ITPKC: variants seen among roughly 807,000 people sequenced by gnomAD.
ITPKC encodes the protein inositol-trisphosphate 3-kinase C.
In ITPKC, 33 loss-of-function variants were observed where a neutral mutation model predicts 67.1. That is an observed-to-expected ratio of 0.49 (90% CI 0.37 to 0.66). The LOEUF (loss-of-function observed/expected upper bound fraction) is 0.66. ITPKC is among the 30% of genes least tolerant of loss of function. ITPKC has a pLI of 0.00. For missense variants in ITPKC, 820 were observed against 892.1 expected, an observed-to-expected ratio of 0.92 and a Z score of 1.03; for synonymous variants, 341 against 359.8, an observed-to-expected ratio of 0.95 and a Z score of 0.59.
chr19:40,722,745 C>T (rs1352253139), intron 1 of ITPKC, among the ~76,000 whole-genome samples: 1 of 152,082 alleles, frequency 6.6e-6, no homozygotes, highest in African/African-American at 2.4e-5. Flanking sequence ...AACGAAAACC[C>T]TGTTTTCTAT....
chr19:40,736,453 G>GTC (rs2082294685), intron 4 of ITPKC, among the ~76,000 whole-genome samples: 1 of 152,126 alleles, frequency 6.6e-6, no homozygotes, highest in Admixed American at 6.6e-5. Context: ...GGCTGGGCAG[G>GTC]TAAGCTGGCT....
intron 1 of ITPKC, among the ~76,000 whole-genome samples, chr19:40,723,048 G>C (rs867095154): frequency 5.3e-4 from 81 of 152,096 alleles, no homozygotes; most frequent in Admixed American, 3.3e-3. Context: ...TGCAACCTCT[G>C]CCTCTCAGGT....
chr19:40,739,314 C>T lies in ITPKC; in HGVS notation c.1849-43C>T, dbSNP rs1191783067. ...CTGCCTGTCAGGAAGGGACCTTGGC[C>T]AGTGCCTGCTCCTCCCTTAACCTCC... On this transcript the variant is annotated intron_variant, in intron 6 of 6. Coordinates refer to ENST00000263370, the MANE Select transcript of ITPKC (RefSeq NM_025194.3). 4 of 1,480,750 alleles carry T rather than the reference C, an allele frequency of 2.7e-6. No individual in the cohort carries two copies. The East Asian group carries it at 6.8e-5, about 25-fold the overall frequency. 91.7% of individuals were successfully genotyped at this position (1,480,750 alleles called of 1,614,324 possible).
At chr19:40,730,452 GAC>G (rs2082265620) in intron 3 of ITPKC, among the ~76,000 whole-genome samples, 3 of 151,874 alleles carry the variant, frequency 2.0e-5, no homozygotes, top group Admixed American at 2.0e-4. Context: ...TCTTTTTTGA[GAC>G]AGAGTCTCAT....
chr19:40,731,208 A>C (rs1599653043), intron 3 of ITPKC, among the ~76,000 whole-genome samples: 1 of 152,196 alleles, frequency 6.6e-6, no homozygotes, highest in South Asian at 2.1e-4. Context: ...GCCCCACCGT[A>C]GGAGGCCAGC....
In ITPKC at chr19:40,733,213, A is replaced by G; in HGVS notation, c.1523A>G (p.Lys508Arg). ...VKARERPRPR[K>R]DMYEKMVAVD... is the part of the protein sequence containing the mutation. ...GCACGGGAACGTCCCCGTCCCCGGA[A>G]GGACATGTATGAGAAGATGGTGGCT... Residue 508 changes from lysine to arginine, a missense_variant, in exon 4 of 7, where the codon AAG becomes AGG. Lys to Arg is a conservative substitution (Grantham distance 26). This residue lies in a region of ITPKC where 339 missense variants were observed against 422.0 expected (regional missense o/e 0.80). Transcript: ENST00000263370. 6.2e-7 allele frequency: 1 copy of G among 1,614,242 alleles called. No homozygotes were observed. The highest frequency in any genetic ancestry group is 1.7e-5 in the Admixed American group (1 of 60,022).
Position 40,740,688 on chromosome 19 carries a change from A to G in ITPKC, c.*1128A>G. 3.0e-6 allele frequency: 1 copy of G among 333,090 alleles called. No individual in the cohort carries two copies. The highest frequency in any genetic ancestry group is 5.4e-6 in the Non-Finnish European group (1 of 183,768). The allele number at this position is 333,090 out of a possible 1,614,324, so 20.6% of individuals were successfully genotyped here. A position where few individuals can be genotyped will look rare whatever the true frequency, so the allele number is the denominator to read the frequency against. On this transcript the variant is annotated 3_prime_UTR_variant, in exon 7 of 7. Coordinates refer to ENST00000263370, the MANE Select transcript of ITPKC (RefSeq NM_025194.3). ...ACCTCTTCCTTAAGCTGAAGCTCCCACACTGTCTTCCAGGGCTGAGGAGAT... is the reference window on the plus strand; with the variant it reads ...ACCTCTTCCTTAAGCTGAAGCTCCCGCACTGTCTTCCAGGGCTGAGGAGAT...
chr19:40,721,286 C>T (rs534652428), intron 1 of ITPKC, among the ~76,000 whole-genome samples: 160 of 151,940 alleles, frequency 1.1e-3, no homozygotes, highest in African/African-American at 3.7e-3. Context: ...GAGAGGGCTT[C>T]CTGGAGGAAG....
At chr19:40,730,476 G>A (rs1328800425) in intron 3 of ITPKC, among the ~76,000 whole-genome samples, 7 of 152,054 alleles carry the variant, frequency 4.6e-5, no homozygotes, top group Admixed American at 1.3e-4. Context: ...CTGTTGCCCC[G>A]ACTGAAGTGA....
Position 40,739,275 on chromosome 19 carries a change from A to G in ITPKC, c.1849-82A>G, listed in dbSNP as rs369502814. 150 of 1,014,828 alleles carry G rather than the reference A, an allele frequency of 1.5e-4. No individual in the cohort carries two copies. The African/African-American group carries it at 1.9e-3, about 13-fold the overall frequency. 62.9% of individuals were successfully genotyped at this position (1,014,828 alleles called of 1,614,324 possible). A position where few individuals can be genotyped will look rare whatever the true frequency, so the allele number is the denominator to read the frequency against. On this transcript the variant is annotated intron_variant, in intron 6 of 6. Transcript: ENST00000263370. ...CCAGGCTCCAGGGTTCATGCTGTCA[A>G]TCACCCTGCTCTGCTGCCTGTCAGG...
At chr19:40,728,799 G>A (rs547066881) in intron 2 of ITPKC, among the ~76,000 whole-genome samples, 2 of 152,150 alleles carry the variant, frequency 1.3e-5, no homozygotes, top group South Asian at 2.1e-4. Flanking sequence ...AGGCCAAGGC[G>A]GGTGGATCAT....
In ITPKC at chr19:40,739,669, C is replaced by G; in HGVS notation, c.*109C>G. On this transcript the variant is annotated 3_prime_UTR_variant, in exon 7 of 7. Coordinates refer to ENST00000263370, the MANE Select transcript of ITPKC (RefSeq NM_025194.3). ...CCACGGGGGAGCTGGCCTCCAGGGA[C>G]GGGAGAGATTGTGTCATGTGCCACA... The G allele has an allele frequency of 1.1e-6, 1 of 948,922 alleles. No homozygotes were observed. Among genetic ancestry groups the G allele is most frequent in the East Asian group, 2.6e-5 (1 of 37,968 alleles). The allele number at this position is 948,922 out of a possible 1,614,324, so 58.8% of individuals were successfully genotyped here. A position where few individuals can be genotyped will look rare whatever the true frequency, so the allele number is the denominator to read the frequency against.
At chr19:40,725,940 T>C (rs1429474210) in intron 2 of ITPKC, among the ~76,000 whole-genome samples, 2 of 149,730 alleles carry the variant, frequency 1.3e-5, no homozygotes, top group Non-Finnish European at 3.0e-5. Flanking sequence ...CCCGTTTCAA[T>C]TAAAAAAAAA....
chr19:40,726,301 T>G (rs1222867685), intron 2 of ITPKC, among the ~76,000 whole-genome samples: 3 of 151,848 alleles, frequency 2.0e-5, no homozygotes, highest in Non-Finnish European at 4.4e-5. Flanking sequence ...CTCCTTGCCT[T>G]CTCCGCGTGT....
intron 3 of ITPKC, among the ~76,000 whole-genome samples, chr19:40,730,550 G>C (rs1248571943): frequency 6.6e-6 from 1 of 152,050 alleles, no homozygotes; most frequent in Non-Finnish European, 1.5e-5. Flanking sequence ...TTTCACCTTA[G>C]CCTCCAGAGT....
intron 4 of ITPKC, among the ~76,000 whole-genome samples, chr19:40,736,067 G>A (rs1224730529): frequency 1.3e-5 from 2 of 152,108 alleles, no homozygotes; most frequent in African/African-American, 2.4e-5. Flanking sequence ...CAAGGCGGGC[G>A]GAGCATGAGG....
At chr19:40,724,959 AAAAAG>A (rs2082239227) in intron 1 of ITPKC, among the ~76,000 whole-genome samples, 2 of 150,018 alleles carry the variant, frequency 1.3e-5, no homozygotes, top group Admixed American at 1.3e-4. Flanking sequence ...AAAAAAAAAA[AAAAAG>A]AAGATTTGGA....
At chr19:40,737,995 A>T (rs768798908) in intron 6 of ITPKC, among the ~76,000 whole-genome samples, 12 of 148,606 alleles carry the variant, frequency 8.1e-5, no homozygotes, top group Non-Finnish European at 1.5e-4. Context: ...CTATTTGGAA[A>T]AAAAAAAAAA....
intron 4 of ITPKC, among the ~76,000 whole-genome samples, chr19:40,736,487 A>G (rs2144754906): frequency 6.6e-6 from 1 of 151,886 alleles, no homozygotes; most frequent in Admixed American, 6.6e-5. Flanking sequence ...GCAAGTGTGC[A>G]GGCAGGTGGG....
Sources: allele counts gnomAD v4.1 joint callset (sites outside exome capture counted in the v4.1 genomes callset), GRCh38; gene constraint gnomAD v4.1.1; regional missense constraint gnomAD v4.1.1; transcripts MANE v1.5; gene names NCBI Gene and HGNC (gene_info 2026-07-23, HGNC 2026-07-21).